GNB1: variants seen among roughly 807,000 people sequenced by gnomAD.
The protein encoded by GNB1 is G protein subunit beta 1.
GNB1 carries 2 observed loss-of-function variants against 42.9 expected under a neutral mutation model. That is an observed-to-expected ratio of 0.05 (90% CI 0.02 to 0.15). The LOEUF is 0.15. GNB1 is among the 10% of genes least tolerant of loss of function. GNB1 has a pLI of 1.00. For synonymous variants in GNB1, 183 were observed against 174.7 expected, an observed-to-expected ratio of 1.05 and a Z score of -0.38; for missense variants, 193 against 462.2, an observed-to-expected ratio of 0.42 and a Z score of 5.34.
At chr1:1,889,637 T>C (rs1650357869) in intron 1 of GNB1, among the ~76,000 whole-genome samples, 1 of 150,154 alleles carries the variant, frequency 6.7e-6, no homozygotes. Context: ...CAGGATCTCT[T>C]TTACAAAGAG....
At position 1,877,312 on chromosome 1, in the gene GNB1, A is replaced by ATAT. The variant is rs1386155194; in HGVS notation, c.-96+13507_-96+13508insATA. On this transcript the variant is annotated intron_variant, in intron 1 of 11. Coordinates refer to ENST00000378609, the MANE Select transcript of GNB1 (RefSeq NM_002074.5). ...AGACTCTGTCTCAAAAAAAAAAAAA[A>ATAT]AAAAATATATATATATATACACACA... 2.0e-4 allele frequency among the ~76,000 whole-genome samples: 28 copies of ATAT among 139,444 alleles called. No individual in the cohort carries two copies. In the South Asian group the frequency reaches 2.1e-3, roughly 11 times the overall value. The allele number at this position is 139,444 out of a possible 152,430, so 91.5% of individuals were successfully genotyped here.
chr1:1,802,410 A>T (rs1646637555), intron 7 of GNB1, among the ~76,000 whole-genome samples: 1 of 152,240 alleles, frequency 6.6e-6, no homozygotes, highest in South Asian at 2.1e-4. Flanking sequence ...TTATACATCT[A>T]AATAACCTAT....
At chr1:1,849,165 G>A (rs1647844955) in intron 1 of GNB1, among the ~76,000 whole-genome samples, 1 of 152,220 alleles carries the variant, frequency 6.6e-6, no homozygotes, top group African/African-American at 2.4e-5. Context: ...GGAGCTTCCT[G>A]GTTAGAAGCT....
chr1:1,845,690 A>G (rs1021286475), intron 1 of GNB1, among the ~76,000 whole-genome samples: 3 of 152,202 alleles, frequency 2.0e-5, no homozygotes, highest in Non-Finnish European at 2.9e-5. Flanking sequence ...AGCAAGGCTC[A>G]CACTGGAGAA....
chr1:1,818,007 A>G, intron 3 of GNB1, 132 bp from the exon 4 acceptor site: 1 of 687,640 alleles, frequency 1.5e-6, no homozygotes, highest in African/African-American at 1.7e-5. Flanking sequence ...AGAACGGCAG[A>G]GTCTCCTTGC....
At chr1:1,788,950 C>T (rs767500550) in intron 10 of GNB1, 103 bp downstream of exon 10, 150 of 821,966 alleles carry the variant, frequency 1.8e-4, no homozygotes, top group Admixed American at 7.5e-4. Flanking sequence ...TGCCACAGTC[C>T]CACCGATACT....
intron 5 of GNB1, among the ~76,000 whole-genome samples, chr1:1,807,463 G>GAAAAA (rs533616486): frequency 0.011 from 283 of 25,558 alleles, 18 homozygotes; most frequent in African/African-American, 0.019. Context: ...GATCCTGACT[G>GAAAAA]AAAAAAAAAA....
intron 1 of GNB1, among the ~76,000 whole-genome samples, chr1:1,848,100 C>T (rs1647770395): frequency 1.3e-5 from 2 of 152,038 alleles, no homozygotes; most frequent in South Asian, 2.1e-4. Flanking sequence ...AAAAAGCAGG[C>T]CGGGTGCGGT....
intron 1 of GNB1, among the ~76,000 whole-genome samples, chr1:1,856,679 G>C (rs1380485266): frequency 1.3e-5 from 2 of 151,688 alleles, no homozygotes; most frequent in Non-Finnish European, 2.9e-5. Context: ...GCCCGCCTTG[G>C]CCTCCCAAAG....
chr1:1,870,348 A>G (rs1161113428), intron 1 of GNB1, among the ~76,000 whole-genome samples: 2 of 151,638 alleles, frequency 1.3e-5, no homozygotes, highest in Non-Finnish European at 2.9e-5. Context: ...TGTTTTTTAA[A>G]CTTTTTGTAG....
intron 1 of GNB1, among the ~76,000 whole-genome samples, chr1:1,884,262 G>A (rs1044731459): frequency 6.6e-6 from 1 of 152,030 alleles, no homozygotes; most frequent in South Asian, 2.1e-4. Flanking sequence ...ACCATGCCTG[G>A]GTAATTTTTT....
At chr1:1,788,800 C>G (rs1399997371) in intron 10 of GNB1, 1 of 461,396 alleles carries the variant, frequency 2.2e-6, no homozygotes, top group African/African-American at 2.0e-5. Flanking sequence ...GCCTGCACAG[C>G]TGACCCTCTC....
intron 2 of GNB1, among the ~76,000 whole-genome samples, chr1:1,826,165 C>A (rs1646995557): frequency 1.3e-5 from 2 of 152,120 alleles, no homozygotes; most frequent in African/African-American, 2.4e-5. Context: ...GCCTGTAATC[C>A]CAACAATTTG....
chr1:1,854,080 G>C (rs768598162), intron 1 of GNB1, among the ~76,000 whole-genome samples: 1 of 152,224 alleles, frequency 6.6e-6, no homozygotes, highest in African/African-American at 2.4e-5. Flanking sequence ...AGCACTTGCT[G>C]TTCTAGAACT....
intron 5 of GNB1, among the ~76,000 whole-genome samples, chr1:1,811,742 T>C (rs982144834): frequency 1.3e-5 from 2 of 150,352 alleles, no homozygotes; most frequent in Non-Finnish European, 3.0e-5. Flanking sequence ...TTTCCGAGTG[T>C]CCATAAATCA....
intron 1 of GNB1, among the ~76,000 whole-genome samples, chr1:1,854,184 G>T (rs1465409136): frequency 6.6e-6 from 1 of 152,192 alleles, no homozygotes. Flanking sequence ...ATAAAACTAC[G>T]TAAGAAGGGG....
intron 2 of GNB1, among the ~76,000 whole-genome samples, chr1:1,836,857 T>A (rs976875942): frequency 2.2e-5 from 1 of 44,752 alleles, no homozygotes; most frequent in African/African-American, 9.3e-5. Flanking sequence ...GACTGCTAAC[T>A]TTTTTTTTTT....
intron 1 of GNB1, among the ~76,000 whole-genome samples, chr1:1,851,840 T>C (rs1222196149): frequency 1.3e-5 from 2 of 151,806 alleles, no homozygotes; most frequent in Non-Finnish European, 2.9e-5. Context: ...GGTCAGGAGT[T>C]TGAGACCAGC....
At chr1:1,849,418 C>A (rs573359409) in intron 1 of GNB1, among the ~76,000 whole-genome samples, 1 of 152,282 alleles carries the variant, frequency 6.6e-6, no homozygotes, top group East Asian at 1.9e-4. Flanking sequence ...CTGAGGAAGT[C>A]TTTTGTGGGA....
Sources: gnomAD v4.1 joint callset for allele counts (sites outside exome capture counted in the v4.1 genomes callset) on GRCh38, gnomAD v4.1.1 for gene constraint, MANE v1.5 for transcripts, NCBI Gene and HGNC (gene_info 2026-07-23, HGNC 2026-07-21) for gene names.